Variants in ARHGAP29 observed in about 807,000 individuals in gnomAD.
ARHGAP29 encodes the protein Rho GTPase activating protein 29, also known as rho GTPase-activating protein 29.
ARHGAP29 carries 43 observed loss-of-function variants against 122.6 expected under a neutral mutation model. That is an observed-to-expected ratio of 0.35 (90% CI 0.27 to 0.45). The LOEUF (loss-of-function observed/expected upper bound fraction) is 0.45. ARHGAP29 is among the 20% of genes least tolerant of loss of function. The pLI is 1.00. For missense variants in ARHGAP29, 1,303 were observed against 1,477.2 expected, an observed-to-expected ratio of 0.88 and a Z score of 1.93; for synonymous variants, 506 against 497.1, an observed-to-expected ratio of 1.02 and a Z score of -0.24.
chr1:94,247,363 A>C (rs968854420), intron 1 of ARHGAP29, among the ~76,000 whole-genome samples: 21 of 152,010 alleles, frequency 1.4e-4, no homozygotes, highest in Admixed American at 1.2e-3. Flanking sequence ...CCGGCGTCAC[A>C]CAACTCAGAG....
At chr1:94,203,897 T>C (rs1651022967) in intron 8 of ARHGAP29, 33 bp downstream of exon 8, 3 of 1,598,154 alleles carry the variant, frequency 1.9e-6, no homozygotes, top group East Asian at 2.2e-5. Context: ...TAGTTTCTTA[T>C]TATAGAACCC....
In ARHGAP29 at chr1:94,174,467, G is replaced by GT; in HGVS notation, c.3187dup (p.Thr1063AsnfsTer8). ...GCCATTAAATTTGGAACAAACAGTA[G>GT]TAGCAGCGTCTTTTCTATTAACTCC... On this transcript the variant is annotated frameshift_variant, in exon 23 of 23. Transcript: ENST00000260526. LOFTEE classifies it low-confidence loss of function (END_TRUNC). 6.2e-7 allele frequency: 1 copy of GT among 1,614,220 alleles called. No homozygotes were observed. Among genetic ancestry groups the GT allele is most frequent in the Non-Finnish European group, 8.5e-7 (1 of 1,180,038 alleles).
upstream of ARHGAP29, among the ~76,000 whole-genome samples, chr1:94,279,420 C>T (rs1655282288): frequency 6.6e-6 from 1 of 152,166 alleles, no homozygotes; most frequent in Non-Finnish European, 1.5e-5. Flanking sequence ...AGGTTTCTTC[C>T]TGACTCCCAA....
the ARHGAP29 span, among the ~76,000 whole-genome samples, chr1:94,304,496 A>T: frequency 6.6e-6 from 1 of 152,162 alleles, no homozygotes; most frequent in Admixed American, 6.5e-5. Flanking sequence ...AGCCTCACCT[A>T]ACTGGAAGAG....
the ARHGAP29 span, among the ~76,000 whole-genome samples, chr1:94,313,604 G>A: frequency 6.6e-6 from 1 of 152,142 alleles, no homozygotes; most frequent in Admixed American, 6.5e-5. Flanking sequence ...AATACCATTT[G>A]ACCCAGCCAT....
chr1:94,221,524 A>G (rs541205799), intron 2 of ARHGAP29, among the ~76,000 whole-genome samples: 229 of 148,622 alleles, frequency 1.5e-3, no homozygotes, highest in African/African-American at 5.4e-3. Flanking sequence ...GCAGTCATCT[A>G]TATTATTTAT....
At chr1:94,209,088 AT>A (rs1357564564) in intron 4 of ARHGAP29, among the ~76,000 whole-genome samples, 165 bp downstream of exon 4, 2 of 152,240 alleles carry the variant, frequency 1.3e-5, no homozygotes, top group African/African-American at 2.4e-5. Context: ...AGCTATAAAA[AT>A]ATCTTCGAAT....
the ARHGAP29 span, among the ~76,000 whole-genome samples, chr1:94,304,427 A>G: frequency 6.6e-6 from 1 of 152,216 alleles, no homozygotes; most frequent in African/African-American, 2.4e-5. Context: ...GGCGCGAGCC[A>G]CCACACCTGG....
In ARHGAP29 at chr1:94,174,570, T is replaced by C; in HGVS notation, c.3085A>G (p.Ser1029Gly). ...SLPVDRLLLA[S>G]PPNERNGRNM... ...CTGCCATTTCTCTCATTAGGAGGAC[T>C]TGCAAGAAGTAGTCTATCTACAGGC... Residue 1029 changes from serine (S) to glycine (G), a missense_variant, in exon 23 of 23, where the codon AGT becomes GGT. Coordinates refer to ENST00000260526, the MANE Select transcript of ARHGAP29 (RefSeq NM_004815.4). The C allele has an allele frequency of 6.2e-7, 1 of 1,614,196 alleles. No individual in the cohort carries two copies. The highest frequency in any genetic ancestry group is 8.5e-7 in the Non-Finnish European group (1 of 1,180,020).
chr1:94,263,282 T>C (rs548214199), intron 1 of ARHGAP29, among the ~76,000 whole-genome samples: 3 of 151,576 alleles, frequency 2.0e-5, no homozygotes, highest in East Asian at 3.9e-4. Flanking sequence ...TCAGGAAAAA[T>C]AAATAGGTAG....
intron 3 of ARHGAP29, among the ~76,000 whole-genome samples, chr1:94,211,767 TA>T (rs1466420434): frequency 1.3e-5 from 2 of 152,194 alleles, no homozygotes; most frequent in South Asian, 4.1e-4. Context: ...ATTTTATTAT[TA>T]TTATACTTTA....
At chr1:94,215,975 C>A (rs1016192941) in intron 3 of ARHGAP29, among the ~76,000 whole-genome samples, 1 of 152,000 alleles carries the variant, frequency 6.6e-6, no homozygotes, top group Non-Finnish European at 1.5e-5. Context: ...GAGTGAAATG[C>A]AAATCAAACC....
upstream of ARHGAP29, among the ~76,000 whole-genome samples, chr1:94,278,606 C>T (rs2100745112): frequency 6.6e-6 from 1 of 152,228 alleles, no homozygotes; most frequent in South Asian, 2.1e-4. Context: ...TGTTTCTCAC[C>T]ACATCTAGGG....
chr1:94,220,695 T>C (rs1343945248), intron 2 of ARHGAP29, among the ~76,000 whole-genome samples: 2 of 152,218 alleles, frequency 1.3e-5, no homozygotes, highest in East Asian at 3.9e-4. Context: ...GCCAACTTTA[T>C]AAGGTAAGTT....
intron 12 of ARHGAP29, chr1:94,195,809 G>T (rs1650416623): frequency 6.6e-6 from 1 of 151,846 alleles, no homozygotes; most frequent in African/African-American, 2.4e-5. Flanking sequence ...AATGATAAAA[G>T]ATATGCTACA....
the ARHGAP29 span, among the ~76,000 whole-genome samples, chr1:94,300,685 A>C: frequency 6.6e-6 from 1 of 152,200 alleles, no homozygotes; most frequent in South Asian, 2.1e-4. Context: ...AAACTTCTTG[A>C]AGATAGGGGA....
intron 12 of ARHGAP29, chr1:94,194,467 G>A (rs1416343323): frequency 6.6e-6 from 1 of 152,150 alleles, no homozygotes; most frequent in East Asian, 1.9e-4. Flanking sequence ...ACCACAGAGT[G>A]ACTTAACAAA....
chr1:94,309,832 G>A, the ARHGAP29 span, among the ~76,000 whole-genome samples: 10 of 152,214 alleles, frequency 6.6e-5, no homozygotes, highest in South Asian at 1.2e-3. Context: ...GGTAAATGGC[G>A]ATCTCCCTTA....
At chr1:94,265,742 C>G (rs1654746571) in intron 1 of ARHGAP29, among the ~76,000 whole-genome samples, 1 of 152,180 alleles carries the variant, frequency 6.6e-6, no homozygotes, top group Non-Finnish European at 1.5e-5. Context: ...TGACTTTTTC[C>G]TTAGACCTAT....
Sources: allele counts gnomAD v4.1 joint callset (sites outside exome capture counted in the v4.1 genomes callset), GRCh38; gene constraint gnomAD v4.1.1; transcripts MANE v1.5; gene names NCBI Gene and HGNC (gene_info 2026-07-23, HGNC 2026-07-21).